The following PHACTR1 variants were observed in gnomAD, a reference collection of about 807,000 sequenced individuals.
The protein encoded by PHACTR1 is phosphatase and actin regulator 1, also known as RPEL repeat containing 1.
PHACTR1 carries 16 observed loss-of-function variants against 69.2 expected under a neutral mutation model. That is an observed-to-expected ratio of 0.23 (90% CI 0.16 to 0.35). PHACTR1 has a LOEUF of 0.35. PHACTR1 is among the 10% of genes least tolerant of loss of function. PHACTR1 has a pLI of 1.00. For missense variants in PHACTR1, 510 were observed against 734.7 expected, an observed-to-expected ratio of 0.69 and a Z score of 3.54; for synonymous variants, 312 against 284.5, an observed-to-expected ratio of 1.10 and a Z score of -0.97.
chr6:13,284,902 G>A (rs1422554903), intron 13 of PHACTR1, among the ~76,000 whole-genome samples: 1 of 152,072 alleles, frequency 6.6e-6, no homozygotes, highest in Non-Finnish European at 1.5e-5. Context: ...CACCATGTGT[G>A]GAAGACTGTG....
At chr6:13,188,963 G>A (rs1763153405) in intron 7 of PHACTR1, among the ~76,000 whole-genome samples, 1 of 152,218 alleles carries the variant, frequency 6.6e-6, no homozygotes, top group Non-Finnish European at 1.5e-5. Context: ...AAAGGGTGAT[G>A]AAGGCAAAAG....
At chr6:13,181,441 C>A (rs552149820) in intron 6 of PHACTR1, among the ~76,000 whole-genome samples, 3 of 152,192 alleles carry the variant, frequency 2.0e-5, no homozygotes, top group East Asian at 1.9e-4. Context: ...TTATTCATCT[C>A]GCTGGAACAG....
chr6:13,151,214 T>C (rs994714149), intron 5 of PHACTR1, among the ~76,000 whole-genome samples: 3 of 152,234 alleles, frequency 2.0e-5, no homozygotes, highest in Non-Finnish European at 4.4e-5. Context: ...CCCTTCAGAA[T>C]GTAATTTAAA....
At chr6:13,118,763 A>T (rs1015629652) in intron 5 of PHACTR1, among the ~76,000 whole-genome samples, 2 of 152,120 alleles carry the variant, frequency 1.3e-5, no homozygotes, top group Non-Finnish European at 2.9e-5. Flanking sequence ...GGCGTGAGCC[A>T]CTGTGCCTGG....
At chr6:13,215,280 C>T (rs540079846) in intron 8 of PHACTR1, among the ~76,000 whole-genome samples, 18 of 152,306 alleles carry the variant, frequency 1.2e-4, no homozygotes, top group African/African-American at 4.3e-4. Context: ...ATAGACTGGA[C>T]AGATCAGTAC....
At chr6:13,081,617 T>C (rs1811384821) in intron 5 of PHACTR1, among the ~76,000 whole-genome samples, 1 of 152,040 alleles carries the variant, frequency 6.6e-6, no homozygotes, top group Non-Finnish European at 1.5e-5. Flanking sequence ...AGGCTAGAAG[T>C]TCGAGACTAG....
chr6:12,743,988 C>A (rs975168339), intron 3 of PHACTR1, among the ~76,000 whole-genome samples: 1 of 152,168 alleles, frequency 6.6e-6, no homozygotes, highest in Non-Finnish European at 1.5e-5. Context: ...AACTAGAACT[C>A]AGGATTAAGA....
At chr6:13,110,975 A>C (rs755075265) in intron 5 of PHACTR1, among the ~76,000 whole-genome samples, 1 of 151,536 alleles carries the variant, frequency 6.6e-6, no homozygotes, top group Non-Finnish European at 1.5e-5. Flanking sequence ...AGTCTTTTCT[A>C]TAATATTCAG....
intron 4 of PHACTR1, among the ~76,000 whole-genome samples, chr6:12,795,317 A>G (rs1421305461): frequency 6.6e-6 from 1 of 152,230 alleles, no homozygotes; most frequent in African/African-American, 2.4e-5. Flanking sequence ...TGAGCCCCAC[A>G]TTGAAGTTGC....
intron 4 of PHACTR1, among the ~76,000 whole-genome samples, chr6:12,772,727 C>T (rs1006720693): frequency 3.3e-5 from 5 of 152,100 alleles, no homozygotes; most frequent in South Asian, 2.1e-4. Context: ...GTGTAAGATC[C>T]GCACTTCCGA....
intron 6 of PHACTR1, among the ~76,000 whole-genome samples, chr6:13,163,535 GAGA>G (rs1264024641): frequency 3.9e-5 from 6 of 152,324 alleles, no homozygotes; most frequent in East Asian, 1.9e-4. Context: ...TTGGGAAGAG[GAGA>G]AGAAGAGACA....
chr6:13,115,990 T>C (rs6921616), intron 5 of PHACTR1, among the ~76,000 whole-genome samples: 37,721 of 152,144 alleles, frequency 0.25, 4,846 homozygotes, highest in South Asian at 0.46. Context: ...GGATCTGCCA[T>C]GTATGTGACC....
At chr6:12,885,820 C>T (rs1783579276) in intron 4 of PHACTR1, among the ~76,000 whole-genome samples, 1 of 152,204 alleles carries the variant, frequency 6.6e-6, no homozygotes, top group Admixed American at 6.5e-5. Context: ...AGAGGCCGGA[C>T]ACAGTGGCCC....
At chr6:13,020,071 G>A (rs1204682837) in intron 4 of PHACTR1, among the ~76,000 whole-genome samples, 3 of 152,182 alleles carry the variant, frequency 2.0e-5, no homozygotes, top group East Asian at 3.9e-4. Context: ...GGTAGCCAGA[G>A]AGAGGGGCAC....
At chr6:12,861,405 C>G (rs1780926826) in intron 4 of PHACTR1, among the ~76,000 whole-genome samples, 1 of 152,148 alleles carries the variant, frequency 6.6e-6, no homozygotes, top group East Asian at 1.9e-4. Context: ...CATAGTCTTC[C>G]TTAGACTAGG....
chr6:12,826,413 T>G (rs1308711844), intron 4 of PHACTR1, among the ~76,000 whole-genome samples: 1 of 152,206 alleles, frequency 6.6e-6, no homozygotes, highest in African/African-American at 2.4e-5. Context: ...AAAAACTTGA[T>G]CAAATTTAGC....
rs1254759983 is a variant in PHACTR1 at position 12,749,600 on chromosome 6, CT to C, written c.104-42del. 3 of 1,492,408 alleles carry C rather than the reference CT, an allele frequency of 2.0e-6. No homozygotes were observed. In the South Asian group the frequency reaches 3.5e-5, roughly 18 times the overall value. The allele number at this position is 1,492,408 out of a possible 1,614,324, so 92.4% of individuals were successfully genotyped here. On this transcript the variant is annotated intron_variant, in intron 3 of 14. Coordinates refer to ENST00000332995, the MANE Select transcript of PHACTR1 (RefSeq NM_030948.6). ...AGCCTCTTCCTCTCCCCTCCTCCCC[CT>C]TCCGCCTCTCTCCCTCTCCCTCCGT...
At chr6:13,102,000 C>T (rs749381327) in intron 5 of PHACTR1, among the ~76,000 whole-genome samples, 10 of 152,184 alleles carry the variant, frequency 6.6e-5, no homozygotes, top group Non-Finnish European at 1.2e-4. Context: ...TCTTGCTGAA[C>T]GTCCATTCTC....
chr6:12,719,052 A>T (rs1303306200), intron 3 of PHACTR1, among the ~76,000 whole-genome samples: 1 of 152,214 alleles, frequency 6.6e-6, no homozygotes. Flanking sequence ...TGGTTAAAAA[A>T]ATGCCCAACT....
Sources: allele counts gnomAD v4.1 joint callset (sites outside exome capture counted in the v4.1 genomes callset), GRCh38; gene constraint gnomAD v4.1.1; transcripts MANE v1.5; gene names NCBI Gene and HGNC (gene_info 2026-07-23, HGNC 2026-07-21).